Variants in ZMIZ2 observed in about 807,000 individuals in gnomAD.
The protein encoded by ZMIZ2 is zinc finger MIZ domain-containing protein 2.
A neutral mutation model predicts 93.9 loss-of-function variants in ZMIZ2; 26 were observed. That is an observed-to-expected ratio of 0.28 (90% CI 0.20 to 0.38). The LOEUF (loss-of-function observed/expected upper bound fraction) is 0.38. Among genes scored for constraint, ZMIZ2 ranks in the 10% least tolerant of loss-of-function variants. The pLI is 1.00. For missense variants in ZMIZ2, 1,023 were observed against 1,235.0 expected, an observed-to-expected ratio of 0.83 and a Z score of 2.57; for synonymous variants, 485 against 516.4, an observed-to-expected ratio of 0.94 and a Z score of 0.82.
Position 44,766,409 on chromosome 7 carries a change from C to T in ZMIZ2, c.2413-12C>T, listed in dbSNP as rs1413136296. 1 of 1,613,826 alleles carries T rather than the reference C, an allele frequency of 6.2e-7. No individual in the cohort carries two copies. The highest frequency in any genetic ancestry group is 1.3e-5 in the African/African-American group (1 of 74,936). The stretch of plus-strand genomic sequence containing the variant: ...CTGAGCTGTTTTAACAAATTCTTCT[C>T]TCTGTCTTCAGATGGCACCAGCAGG... On this transcript the variant is annotated splice_polypyrimidine_tract_variant and intron_variant, in intron 17 of 18. Transcript: ENST00000309315. This position sits in a 1 kb window ranked among gnomAD's most constrained non-coding sequence, Gnocchi z 4.4.
Position 44,761,298 on chromosome 7 carries a change from CT to C in ZMIZ2, c.1241-150del. On this transcript the variant is annotated intron_variant, in intron 9 of 18. Transcript: ENST00000309315. This position sits in a 1 kb window ranked among gnomAD's most constrained non-coding sequence, Gnocchi z 5.8. Reference sequence around the variant, plus strand: ...CCATGGCCCCAGCCCCAGGGCACCACTCAGGCCTGCCAAGCAGTGCCTGACA... The same window carrying C: ...CCATGGCCCCAGCCCCAGGGCACCACCAGGCCTGCCAAGCAGTGCCTGACA... 7.8e-7 allele frequency: 1 copy of C among 1,282,930 alleles called. No homozygotes were observed. The highest frequency in any genetic ancestry group is 1.0e-6 in the Non-Finnish European group (1 of 952,566). The allele number at this position is 1,282,930 out of a possible 1,614,324, so 79.5% of individuals were successfully genotyped here. A position where few individuals can be genotyped will look rare whatever the true frequency, so the allele number is the denominator to read the frequency against.
At position 44,756,256 on chromosome 7, in the gene ZMIZ2, TCCATGAACC is replaced by T. The variant is rs1583618843; in HGVS notation, c.15_23del (p.Asn5_Met7del). The T allele has an allele frequency of 2.5e-6, 4 of 1,613,952 alleles. No homozygotes were observed. The highest frequency in any genetic ancestry group is 2.2e-5 in the East Asian group (1 of 44,868). On this transcript the variant is annotated inframe_deletion, in exon 2 of 19. Transcript: ENST00000309315. Reference sequence around the variant, plus strand: ...GTAGGCTGCTCCATTGCCAATGAACTCCATGAACCCCATGAAACCTGCCCTGCCCCCTGC... The same window carrying T: ...GTAGGCTGCTCCATTGCCAATGAACTCCATGAAACCTGCCCTGCCCCCTGC...
In ZMIZ2 at chr7:44,766,952, C is replaced by T. The variant is rs934056606; in HGVS notation, c.2655+289C>T. ...CAGCACGGTCCTTAGAGTCAAATTT[C>T]GTCTGTCCATTTGCTCAGTAGCCCT... On this transcript the variant is annotated intron_variant, in intron 18 of 18. Coordinates refer to ENST00000309315, the MANE Select transcript of ZMIZ2 (RefSeq NM_031449.4). The surrounding 1 kb of genome is among the most constrained non-coding windows in gnomAD (Gnocchi z 4.4). 2.0e-5 allele frequency among the ~76,000 whole-genome samples: 3 copies of T among 152,144 alleles called. No individual in the cohort carries two copies. Among genetic ancestry groups the T allele is most frequent in the South Asian group, 2.1e-4 (1 of 4,830 alleles).
rs767790340 is a variant in ZMIZ2, at chr7:44,761,411, G to A, written c.1241-38G>A. The A allele has an allele frequency of 1.2e-6, 2 of 1,604,418 alleles. No individual in the cohort carries two copies. Among genetic ancestry groups the A allele is most frequent in the Non-Finnish European group, 1.7e-6 (2 of 1,177,678 alleles). On this transcript the variant is annotated intron_variant, in intron 9 of 18. Transcript: ENST00000309315. The surrounding 1 kb of genome is among the most constrained non-coding windows in gnomAD (Gnocchi z 5.8). ...TGAGTGACACAAGACGCTCTGGCTG[G>A]GGCAACCCAGCTCACAGCCAGTGGC...
chr7:44,756,735 T>C (rs1433529990), intron 3 of ZMIZ2, 196 bp downstream of exon 3: 1 of 775,656 alleles, frequency 1.3e-6, no homozygotes, highest in Non-Finnish European at 2.0e-6. Context: ...ACACCTGCTG[T>C]GGGATTTTCT....
At position 44,761,108 on chromosome 7, in the gene ZMIZ2, C is replaced by T. The variant is rs1162048043; in HGVS notation, c.1241-341C>T. Reference sequence around the variant, plus strand: ...ATAGGGCAATTGCAGGAGGCTCTCACACACCTTGGCCTCCCAGTCTCTCTG... The same window carrying T: ...ATAGGGCAATTGCAGGAGGCTCTCATACACCTTGGCCTCCCAGTCTCTCTG... On this transcript the variant is annotated intron_variant, in intron 9 of 18. Coordinates refer to ENST00000309315, the MANE Select transcript of ZMIZ2 (RefSeq NM_031449.4). This position sits in a 1 kb window ranked among gnomAD's most constrained non-coding sequence, Gnocchi z 5.8. Among the ~76,000 whole-genome samples the T allele has an allele frequency of 6.6e-6, 1 of 152,208 alleles. No homozygotes were observed. Among genetic ancestry groups the T allele is most frequent in the African/African-American group, 2.4e-5 (1 of 41,460 alleles).
Position 44,761,353 on chromosome 7 carries a change from C to T in ZMIZ2, c.1241-96C>T, listed in dbSNP as rs1430678064. 14 of 1,534,270 alleles carry T rather than the reference C, an allele frequency of 9.1e-6. No homozygotes were observed. The Admixed American group carries it at 1.3e-4, about 15-fold the overall frequency. On this transcript the variant is annotated intron_variant, in intron 9 of 18. Transcript: ENST00000309315. This position sits in a 1 kb window ranked among gnomAD's most constrained non-coding sequence, Gnocchi z 5.8. ...GGGGCTCCCTTCACCAAGGTCCCTG[C>T]GGGGAAGGTGGCTGGGGAGCCGCTG...
chr7:44,764,585 C>A, intron 14 of ZMIZ2, 99 bp downstream of exon 14: 2 of 1,360,974 alleles, frequency 1.5e-6, no homozygotes, highest in Non-Finnish European at 2.1e-6. Flanking sequence ...TACGAGCCTG[C>A]TGGGAGGAGT....
Position 44,758,425 on chromosome 7 carries a change from C to G in ZMIZ2, c.813+317C>G, listed in dbSNP as rs535177027. 3.3e-4 allele frequency among the ~76,000 whole-genome samples: 50 copies of G among 150,350 alleles called. 1 individual carries two copies. The South Asian group carries it at 0.01, about 31-fold the overall frequency. ...AGTTGAGGGTGCAGTTAGCTGTGATCGCTCCCCTGCACTTCAGGCTGGGCA... is the reference window on the plus strand; with the variant it reads ...AGTTGAGGGTGCAGTTAGCTGTGATGGCTCCCCTGCACTTCAGGCTGGGCA... On this transcript the variant is annotated intron_variant, in intron 6 of 18. Transcript: ENST00000309315.
rs1179272979 is a variant in ZMIZ2, at chr7:44,767,658, T to G, written c.*35T>G. 6.4e-7 allele frequency: 1 copy of G among 1,566,538 alleles called. No homozygotes were observed. The highest frequency in any genetic ancestry group is 1.4e-5 in the African/African-American group (1 of 73,810). ...TACCCCAAGCCCGGCGGGGACACGC[T>G]CACAGATGTCACCACAGCCCTGCCC... On this transcript the variant is annotated 3_prime_UTR_variant, in exon 19 of 19. Transcript: ENST00000309315.
intron 14 of ZMIZ2, 50 bp downstream of exon 14, chr7:44,764,536 G>C (rs777781206): frequency 3.8e-6 from 6 of 1,588,800 alleles, no homozygotes; most frequent in Non-Finnish European, 5.2e-6. Context: ...TGCTTTTAGA[G>C]GCTTTCATGG....
intron 1 of ZMIZ2, among the ~76,000 whole-genome samples, chr7:44,749,633 C>T (rs1789960470): frequency 1.3e-5 from 2 of 152,320 alleles, no homozygotes; most frequent in South Asian, 2.1e-4. Flanking sequence ...TCCCTAGTGC[C>T]AGGTGTCCTT....
Position 44,761,358 on chromosome 7 carries a change from A to C in ZMIZ2, c.1241-91A>C. On this transcript the variant is annotated intron_variant, in intron 9 of 18. Transcript: ENST00000309315. This position sits in a 1 kb window ranked among gnomAD's most constrained non-coding sequence, Gnocchi z 5.8. Reference sequence around the variant, plus strand: ...TCCCTTCACCAAGGTCCCTGCGGGGAAGGTGGCTGGGGAGCCGCTGCCCTC... The same window carrying C: ...TCCCTTCACCAAGGTCCCTGCGGGGCAGGTGGCTGGGGAGCCGCTGCCCTC... The C allele has an allele frequency of 5.2e-6, 8 of 1,540,800 alleles. No homozygotes were observed. The highest frequency in any genetic ancestry group is 7.0e-6 in the Non-Finnish European group (8 of 1,149,188).
chr7:44,756,854 C>A, intron 3 of ZMIZ2, 93 bp from the exon 4 acceptor site: 1 of 1,506,260 alleles, frequency 6.6e-7, no homozygotes, highest in Non-Finnish European at 9.1e-7. Context: ...CCCCAACCCA[C>A]TTGCCAGGCC....
In ZMIZ2 at chr7:44,769,118, T is replaced by C. The variant is rs1446331568; in HGVS notation, c.*1495T>C. 2 of 152,728 alleles carry C rather than the reference T, an allele frequency of 1.3e-5. No homozygotes were observed. The highest frequency in any genetic ancestry group is 4.8e-5 in the African/African-American group (2 of 41,456). 9.5% of individuals were successfully genotyped at this position (152,728 alleles called of 1,614,324 possible). ...TCACTTCCCAGAGATTGCAGAGGTG[T>C]GTCCTGCCTACCATCTGCCTGTCCA... On this transcript the variant is annotated 3_prime_UTR_variant, in exon 19 of 19. Coordinates refer to ENST00000309315, the MANE Select transcript of ZMIZ2 (RefSeq NM_031449.4).
chr7:44,760,740 C>T (rs1791095929), intron 9 of ZMIZ2, 147 bp downstream of exon 9: 1 of 1,034,216 alleles, frequency 9.7e-7, no homozygotes, highest in Non-Finnish European at 1.4e-6. Context: ...TGGTGGCTCA[C>T]ACTTGTAATC....
intron 7 of ZMIZ2, 80 bp downstream of exon 7, chr7:44,759,540 C>T: frequency 1.6e-6 from 2 of 1,277,730 alleles, no homozygotes; most frequent in South Asian, 2.6e-5. Context: ...CAGTCCTGTC[C>T]TCGAGAGCGA....
rs550821784 is a variant in ZMIZ2, at chr7:44,769,859, T to C, written c.*2236T>C. 6.6e-6 allele frequency: 1 copy of C among 152,370 alleles called. No homozygotes were observed. The highest frequency in any genetic ancestry group is 2.4e-5 in the African/African-American group (1 of 41,556). The allele number at this position is 152,370 out of a possible 1,614,324, so 9.4% of individuals were successfully genotyped here. A position where few individuals can be genotyped will look rare whatever the true frequency, so the allele number is the denominator to read the frequency against. On this transcript the variant is annotated 3_prime_UTR_variant, in exon 19 of 19. Coordinates refer to ENST00000309315, the MANE Select transcript of ZMIZ2 (RefSeq NM_031449.4). ...AGACAGTTCATACAGTATGATGCCATTTTTATAAAGCTCAAAACCAAATAT... is the reference window on the plus strand; with the variant it reads ...AGACAGTTCATACAGTATGATGCCACTTTTATAAAGCTCAAAACCAAATAT...
chr7:44,753,915 T>C (rs1488129882), intron 1 of ZMIZ2, among the ~76,000 whole-genome samples: 1 of 152,240 alleles, frequency 6.6e-6, no homozygotes, highest in East Asian at 1.9e-4. Flanking sequence ...CCCAGCACCA[T>C]TGGTTGGAAA....
Sources: gnomAD v4.1 joint callset for allele counts (sites outside exome capture counted in the v4.1 genomes callset) on GRCh38, gnomAD v4.1.1 for gene constraint, Gnocchi (gnomAD v3.1) non-coding constraint, MANE v1.5 for transcripts, NCBI Gene and HGNC (gene_info 2026-07-23, HGNC 2026-07-21) for gene names.